Variants in NDUFB4 observed in about 807,000 individuals in gnomAD.
The protein encoded by NDUFB4 is NADH dehydrogenase [ubiquinone] 1 beta subcomplex subunit 4.
NDUFB4 carries 10 observed loss-of-function variants against 14.5 expected under a neutral mutation model. The ratio of observed to expected loss-of-function variants is 0.69; its 90% CI spans 0.43 to 1.17. The LOEUF (loss-of-function observed/expected upper bound fraction) is 1.17, where lower values mean the gene tolerates loss of function less well. Among genes scored for constraint, NDUFB4 ranks in the 50% most tolerant of loss-of-function variants. NDUFB4 has a pLI of 0.00. For missense variants in NDUFB4, 165 were observed against 161.1 expected, an observed-to-expected ratio of 1.02 and a Z score of -0.13; for synonymous variants, 65 against 63.4, an observed-to-expected ratio of 1.03 and a Z score of -0.12.
intron 2 of NDUFB4, chr3:120,601,525 A>G: frequency 7.7e-7 from 1 of 1,305,736 alleles, no homozygotes; most frequent in Non-Finnish European, 9.7e-7. Flanking sequence ...GAATACATAA[A>G]TCATTTAGTA....
At chr3:120,600,956 A>G (rs1462739948) in intron 1 of NDUFB4, 155 bp from the exon 2 acceptor site, 2 of 617,592 alleles carry the variant, frequency 3.2e-6, no homozygotes, top group Non-Finnish European at 5.5e-6. Context: ...GAAATGAAAG[A>G]TCTTTCCTGA....
At chr3:120,601,767 G>A (rs1940068125) in intron 2 of NDUFB4, 13 of 1,013,712 alleles carry the variant, frequency 1.3e-5, no homozygotes, top group Non-Finnish European at 1.5e-5. Context: ...GTTGCCACTG[G>A]AGCCCACTCG....
chr3:120,596,964 T>TTC (rs1939968943), intron 1 of NDUFB4, among the ~76,000 whole-genome samples: 1 of 143,214 alleles, frequency 7.0e-6, no homozygotes, highest in Non-Finnish European at 1.5e-5. Context: ...ATATATTATA[T>TTC]TATATATATA....
intron 1 of NDUFB4, 25 bp downstream of exon 1, chr3:120,596,564 G>T: frequency 6.2e-7 from 1 of 1,609,898 alleles, no homozygotes; most frequent in Non-Finnish European, 8.5e-7. Flanking sequence ...TCCCAGGCGG[G>T]AATAGGGCCC....
rs144419252 is a variant in NDUFB4 at position 120,598,218 on chromosome 3, A to G, written c.180+1679A>G. ...CAGATGTGCGCTACCATGTCCGGTT[A>G]AGTTTTTGTATTTTTTATAGAGATG... On this transcript the variant is annotated intron_variant, in intron 1 of 2. Coordinates refer to ENST00000184266, the MANE Select transcript of NDUFB4 (RefSeq NM_004547.6). 3.1e-3 allele frequency among the ~76,000 whole-genome samples: 475 copies of G among 151,852 alleles called. 2 individuals carry two copies. The highest frequency in any genetic ancestry group is 0.011 in the African/African-American group (456 of 41,322).
chr3:120,597,902 C>A (rs1939992596), intron 1 of NDUFB4, among the ~76,000 whole-genome samples: 1 of 152,108 alleles, frequency 6.6e-6, no homozygotes, highest in African/African-American at 2.4e-5. Flanking sequence ...AAACCAAGAT[C>A]TTCTGTCTTC....
chr3:120,601,488 T>A, intron 2 of NDUFB4: 19 of 1,386,952 alleles, frequency 1.4e-5, no homozygotes, highest in Non-Finnish European at 1.8e-5. Flanking sequence ...TTTAAAAAGA[T>A]GATGTTTATT....
At chr3:120,600,002 TC>T (rs1940030018) in intron 1 of NDUFB4, among the ~76,000 whole-genome samples, 1 of 151,784 alleles carries the variant, frequency 6.6e-6, no homozygotes, top group Admixed American at 6.6e-5. Context: ...GTCAATAGTT[TC>T]TAGAACAGCA....
chr3:120,601,314 C>T, intron 2 of NDUFB4, 57 bp downstream of exon 2: 3 of 1,605,066 alleles, frequency 1.9e-6, no homozygotes, highest in Non-Finnish European at 2.5e-6. Context: ...TTCTAGGGAC[C>T]AGCTGCAGCT....
chr3:120,601,270 A>G lies in NDUFB4; in HGVS notation c.327+13A>G. ...CAAAACTGAGAGGGTAAGTATTCAG[A>G]CCAGATGTTTAGTATTTGAGTGATA... On this transcript the variant is annotated intron_variant, in intron 2 of 2. Coordinates refer to ENST00000184266, the MANE Select transcript of NDUFB4 (RefSeq NM_004547.6). 6.2e-7 allele frequency: 1 copy of G among 1,613,270 alleles called. No individual in the cohort carries two copies. Among genetic ancestry groups the G allele is most frequent in the South Asian group, 1.1e-5 (1 of 90,804 alleles).
At chr3:120,597,096 G>C (rs950790755) in intron 1 of NDUFB4, among the ~76,000 whole-genome samples, 13 of 142,504 alleles carry the variant, frequency 9.1e-5, no homozygotes, top group African/African-American at 3.0e-4. Context: ...ATTTTAAAGA[G>C]CTGGTGTTTA....
chr3:120,599,521 G>A (rs1940021788), intron 1 of NDUFB4, among the ~76,000 whole-genome samples: 1 of 152,118 alleles, frequency 6.6e-6, no homozygotes, highest in African/African-American at 2.4e-5. Flanking sequence ...CCAAGCAGGT[G>A]TGGGCCTGGA....
At chr3:120,598,862 T>C (rs1208867370) in intron 1 of NDUFB4, among the ~76,000 whole-genome samples, 1 of 152,096 alleles carries the variant, frequency 6.6e-6, no homozygotes, top group Non-Finnish European at 1.5e-5. Flanking sequence ...TTGTAGGTAA[T>C]TGTAAGGACT....
At position 120,601,239 on chromosome 3, in the gene NDUFB4, T is replaced by C. The variant is rs1173459253; in HGVS notation, c.309T>C (p.Tyr103=). The change falls in exon 2 of 3, where the codon TAT becomes TAC. Residue 103 remains tyrosine (Y), a synonymous_variant. Transcript: ENST00000184266. ...TTGGGCCCCTCATCTTCATTTATTATATTATCAAAACTGAGAGGGTAAGTA... is the reference window on the plus strand; with the variant it reads ...TTGGGCCCCTCATCTTCATTTATTACATTATCAAAACTGAGAGGGTAAGTA... ...CGFGPLIFIY[Y]IIKTERDRKE... 2 of 1,614,028 alleles carry C rather than the reference T, an allele frequency of 1.2e-6. No individual in the cohort carries two copies. The highest frequency in any genetic ancestry group is 1.7e-6 in the Non-Finnish European group (2 of 1,180,016).
rs1448174824 is a variant in NDUFB4 at position 120,596,434 on chromosome 3, A to G, written c.75A>G (p.Ile25Met). ...PETLDPAEYN[I>M]SPETRRAQAE... ...CCCTCGACCCAGCCGAATACAACATATCTCCGGAAACCCGGCGGGCGCAAG... is the reference window on the plus strand; with the variant it reads ...CCCTCGACCCAGCCGAATACAACATGTCTCCGGAAACCCGGCGGGCGCAAG... The change falls in exon 1 of 3, where the codon ATA becomes ATG. Residue 25 changes from isoleucine to methionine, a missense_variant. By Grantham distance (10) the Ile-to-Met change is conservative. Coordinates refer to ENST00000184266, the MANE Select transcript of NDUFB4 (RefSeq NM_004547.6). The G allele has an allele frequency of 4.3e-6, 7 of 1,614,036 alleles. No homozygotes were observed. The East Asian group carries it at 8.9e-5, about 21-fold the overall frequency.
At chr3:120,596,726 C>T in intron 1 of NDUFB4, 187 bp downstream of exon 1, 1 of 634,652 alleles carries the variant, frequency 1.6e-6, no homozygotes, top group Non-Finnish European at 2.7e-6. Flanking sequence ...GCTCTGGACT[C>T]AGACCTGGCT....
At chr3:120,599,445 T>C (rs537187900) in intron 1 of NDUFB4, among the ~76,000 whole-genome samples, 3 of 151,790 alleles carry the variant, frequency 2.0e-5, no homozygotes, top group African/African-American at 4.8e-5. Flanking sequence ...TATTAAGAGA[T>C]TGGGGAGATG....
At chr3:120,597,028 A>G (rs1478753341) in intron 1 of NDUFB4, among the ~76,000 whole-genome samples, 1 of 146,038 alleles carries the variant, frequency 6.8e-6, no homozygotes, top group Non-Finnish European at 1.5e-5. Context: ...TATATTTTAT[A>G]TATATGCATA....
chr3:120,599,929 C>CA (rs1359279860), intron 1 of NDUFB4, among the ~76,000 whole-genome samples: 1 of 151,804 alleles, frequency 6.6e-6, no homozygotes, highest in South Asian at 2.1e-4. Context: ...GCAGTATAGG[C>CA]ATAATAATAA....
Sources: gnomAD v4.1 joint callset for allele counts (sites outside exome capture counted in the v4.1 genomes callset) on GRCh38, gnomAD v4.1.1 for gene constraint, MANE v1.5 for transcripts, NCBI Gene and HGNC (gene_info 2026-07-23, HGNC 2026-07-21) for gene names.